The following RPTOR variants were observed in gnomAD, a reference collection of about 807,000 sequenced individuals.
RPTOR encodes the protein regulatory-associated protein of mTOR.
A neutral mutation model predicts 169.9 loss-of-function variants in RPTOR; 21 were observed. The observed-to-expected ratio is 0.12, with a 90% CI of 0.09 to 0.18. The LOEUF (loss-of-function observed/expected upper bound fraction) is 0.18. Among genes scored for constraint, RPTOR ranks in the 10% least tolerant of loss-of-function variants. RPTOR has a pLI of 1.00. For synonymous variants in RPTOR, 732 were observed against 753.2 expected (o/e 0.97, Z 0.46); for missense variants, 1,133 against 1,855.9 (o/e 0.61, Z 7.16).
intron 9 of RPTOR, among the ~76,000 whole-genome samples, chr17:80,836,887 T>G (rs2589143): frequency 0.79 from 119,671 of 152,034 alleles, 47,390 homozygotes; most frequent in African/African-American, 0.85. Flanking sequence ...CTGCCGGCTG[T>G]TCCTACAGTA....
At chr17:80,650,396 C>T (rs532895088) in intron 3 of RPTOR, among the ~76,000 whole-genome samples, 48 of 152,332 alleles carry the variant, frequency 3.2e-4, no homozygotes, top group Admixed American at 1.7e-3. Flanking sequence ...CTCGTAGGTC[C>T]GCAGAGTCGT....
intron 1 of RPTOR, among the ~76,000 whole-genome samples, chr17:80,570,753 G>T (rs1480900489): frequency 6.6e-6 from 1 of 152,172 alleles, no homozygotes; most frequent in Non-Finnish European, 1.5e-5. Context: ...GAGCTACCAT[G>T]CTGGGCCTGA....
intron 1 of RPTOR, among the ~76,000 whole-genome samples, chr17:80,573,544 A>G (rs1170361824): frequency 1.3e-5 from 2 of 152,216 alleles, no homozygotes; most frequent in Non-Finnish European, 2.9e-5. Context: ...AACTTTAAAA[A>G]ATTTAAGTTT....
intron 28 of RPTOR, among the ~76,000 whole-genome samples, chr17:80,952,224 T>C (rs577657493): frequency 1.3e-5 from 2 of 152,340 alleles, no homozygotes; most frequent in Middle Eastern, 3.4e-3. Flanking sequence ...TTTGATAGAT[T>C]AATGGTATTA....
In RPTOR at chr17:80,964,255, C is replaced by T. The variant is rs200731759; in HGVS notation, c.3940-7C>T. The T allele has an allele frequency of 6.2e-6, 10 of 1,605,322 alleles. No individual in the cohort carries two copies. The East Asian group carries it at 2.2e-4, about 36-fold the overall frequency. On this transcript the variant is annotated splice_region_variant and splice_polypyrimidine_tract_variant and intron_variant, in intron 33 of 33. Coordinates refer to ENST00000306801, the MANE Select transcript of RPTOR (RefSeq NM_020761.3). ...AACCCCTGCTCACCCCTTCTCTCTC[C>T]TTGCAGCCTCACCTGGCCGTGGGAA... is the stretch of plus-strand genomic sequence containing the variant.
At chr17:80,704,791 G>A (rs1461360341) in intron 3 of RPTOR, among the ~76,000 whole-genome samples, 3 of 152,200 alleles carry the variant, frequency 2.0e-5, no homozygotes, top group Admixed American at 1.3e-4. Flanking sequence ...GGTGAGCAGT[G>A]TTTACCACCA....
chr17:80,916,504 G>A (rs2068674993), intron 21 of RPTOR, among the ~76,000 whole-genome samples: 1 of 152,232 alleles, frequency 6.6e-6, no homozygotes, highest in African/African-American at 2.4e-5. Flanking sequence ...CTTGCCTTTG[G>A]CAGGTGTGAG....
At chr17:80,951,513 C>T (rs899950191) in intron 28 of RPTOR, among the ~76,000 whole-genome samples, 5 of 152,184 alleles carry the variant, frequency 3.3e-5, no homozygotes, top group African/African-American at 1.2e-4. Context: ...GGCCCCAGTC[C>T]CCGAAGGCTG....
chr17:80,643,033 A>G (rs943176739), intron 2 of RPTOR, among the ~76,000 whole-genome samples: 3 of 152,252 alleles, frequency 2.0e-5, no homozygotes, highest in Non-Finnish European at 4.4e-5. Flanking sequence ...AAATGAATGA[A>G]GAAAAATATT....
rs1013242542 is a variant in RPTOR, at chr17:80,845,475, G to T, written c.1213-998G>T. ...ATGACCGCCTCTGCCGGGTCCTCCAGCCCTCCCCCTGCTTCTCTGCATCTG... is the reference window on the plus strand; with the variant it reads ...ATGACCGCCTCTGCCGGGTCCTCCATCCCTCCCCCTGCTTCTCTGCATCTG... On this transcript the variant is annotated intron_variant, in intron 10 of 33. Transcript: ENST00000306801. This position sits in a 1 kb window ranked among gnomAD's most constrained non-coding sequence, Gnocchi z 5.4. Among the ~76,000 whole-genome samples, 4 of 151,896 alleles carry T rather than the reference G, an allele frequency of 2.6e-5. No homozygotes were observed. Among genetic ancestry groups the T allele is most frequent in the Admixed American group, 1.3e-4 (2 of 15,278 alleles).
chr17:80,618,761 A>G (rs1384022265), intron 1 of RPTOR, among the ~76,000 whole-genome samples: 1 of 152,230 alleles, frequency 6.6e-6, no homozygotes, highest in Non-Finnish European at 1.5e-5. Flanking sequence ...CCCAATTCCC[A>G]TTGAAATGAA....
At chr17:80,706,173 A>G (rs1005338131) in intron 3 of RPTOR, among the ~76,000 whole-genome samples, 3 of 152,090 alleles carry the variant, frequency 2.0e-5, no homozygotes, top group African/African-American at 7.2e-5. Flanking sequence ...TTCTAGTGGC[A>G]TATGTTGGTG....
intron 10 of RPTOR, among the ~76,000 whole-genome samples, chr17:80,841,258 G>A (rs1195400521): frequency 4.4e-5 from 3 of 68,042 alleles, no homozygotes; most frequent in Admixed American, 1.5e-4. Flanking sequence ...CACTCTCACC[G>A]CACCGCAGCT....
rs2069407787 is a variant in RPTOR, at chr17:80,965,012, A to C, written c.*682A>C. On this transcript the variant is annotated 3_prime_UTR_variant, in exon 34 of 34. Coordinates refer to ENST00000306801, the MANE Select transcript of RPTOR (RefSeq NM_020761.3). ...CACAGCCCACCCTCCCCGCACCTCCAGGTCTCTGGACTCCAGTTTTGGCCC... is the reference window on the plus strand; with the variant it reads ...CACAGCCCACCCTCCCCGCACCTCCCGGTCTCTGGACTCCAGTTTTGGCCC... The C allele has an allele frequency of 4.3e-6, 1 of 233,282 alleles. No homozygotes were observed. Among genetic ancestry groups the C allele is most frequent in the African/African-American group, 2.2e-5 (1 of 45,358 alleles). 14.5% of individuals were successfully genotyped at this position (233,282 alleles called of 1,614,324 possible).
intron 3 of RPTOR, among the ~76,000 whole-genome samples, chr17:80,647,870 A>G (rs1459309232): frequency 6.6e-6 from 1 of 152,096 alleles, no homozygotes; most frequent in African/African-American, 2.4e-5. Context: ...GTCAGTTTCC[A>G]TGTGGTGGAC....
intron 9 of RPTOR, among the ~76,000 whole-genome samples, chr17:80,833,544 T>C (rs2067530803): frequency 6.6e-6 from 1 of 152,196 alleles, no homozygotes; most frequent in Non-Finnish European, 1.5e-5. Context: ...TGGCCTCTCG[T>C]GTGTACGTAG....
At chr17:80,872,855 G>C (rs1371714505) in intron 13 of RPTOR, among the ~76,000 whole-genome samples, 1 of 152,198 alleles carries the variant, frequency 6.6e-6, no homozygotes, top group South Asian at 2.1e-4. Flanking sequence ...CTGTCTCTGT[G>C]TGGCAACTTC....
rs753650416 is a variant in RPTOR at position 80,820,335 on chromosome 17, G to A, written c.891-1866G>A. Reference sequence around the variant, plus strand: ...GCATATGTGTTTCTCATCTGCAGGTGTGGGACCCAAGACACAAGTGTGTTG... The same window carrying A: ...GCATATGTGTTTCTCATCTGCAGGTATGGGACCCAAGACACAAGTGTGTTG... On this transcript the variant is annotated intron_variant, in intron 7 of 33. Coordinates refer to ENST00000306801, the MANE Select transcript of RPTOR (RefSeq NM_020761.3). This position sits in a 1 kb window ranked among gnomAD's most constrained non-coding sequence, Gnocchi z 4.1. 1.3e-5 allele frequency among the ~76,000 whole-genome samples: 2 copies of A among 152,200 alleles called. No individual in the cohort carries two copies. The highest frequency in any genetic ancestry group is 2.9e-5 in the Non-Finnish European group (2 of 68,044).
intron 6 of RPTOR, among the ~76,000 whole-genome samples, chr17:80,785,876 AAGGGGGGACTCTGCATGTTGGCGAGAGC>A (rs2066985794): frequency 6.6e-6 from 1 of 152,000 alleles, no homozygotes; most frequent in Admixed American, 6.5e-5. Flanking sequence ...ACCACTAGAG[AAGGGGGGACTCTGCATGTTGGCGAGAGC>A]AGGGGGGTGC....
Sources: allele counts gnomAD v4.1 joint callset (sites outside exome capture counted in the v4.1 genomes callset), GRCh38; gene constraint gnomAD v4.1.1; non-coding constraint Gnocchi (gnomAD v3.1); transcripts MANE v1.5; gene names NCBI Gene and HGNC (gene_info 2026-07-23, HGNC 2026-07-21).